Variants in MMP20 observed in about 807,000 individuals in gnomAD.
The protein encoded by MMP20 is matrix metalloproteinase-20.
In MMP20, 50 loss-of-function variants were observed where a neutral mutation model predicts 51.8. The ratio of observed to expected loss-of-function variants is 0.97; its 90% CI spans 0.77 to 1.22. The LOEUF (loss-of-function observed/expected upper bound fraction) is 1.22, where lower values mean the gene tolerates loss of function less well. MMP20 is among the 50% of genes most tolerant of loss of function. The pLI is 0.00. For synonymous variants in MMP20, 244 were observed against 216.2 expected, an observed-to-expected ratio of 1.13 and a Z score of -1.13; for missense variants, 663 against 601.4, an observed-to-expected ratio of 1.10 and a Z score of -1.07.
intron 5 of MMP20, chr11:102,607,964 G>C (rs1859540993): frequency 6.6e-6 from 1 of 152,226 alleles, no homozygotes; most frequent in African/African-American, 2.4e-5. Flanking sequence ...CCTGGAAATG[G>C]ATAGAGCTGG....
At chr11:102,589,369 T>C (rs947514706) in intron 8 of MMP20, among the ~76,000 whole-genome samples, 5 of 152,182 alleles carry the variant, frequency 3.3e-5, no homozygotes, top group African/African-American at 1.2e-4. Context: ...TTCCTCTTTG[T>C]TTTGACCCAC....
Position 102,625,229 on chromosome 11 carries a change from G to T in MMP20, c.91C>A (p.Pro31Thr). Residue 31 changes from proline to threonine, a missense_variant, in exon 1 of 10, where the codon CCC (proline) becomes ACC (threonine). Physicochemically the swap from Pro to Thr is conservative, Grantham distance 38. Transcript: ENST00000260228. ...CGGTAGTTGTTCCTCCAGGTCCTGG[G>T]GGAGGCTGCAACTAGGGAGGGGGCT... Reference protein sequence around the residue: ...TAAPSLVAASPRTWRNNYRLA... With the variant: ...TAAPSLVAASTRTWRNNYRLA... 2 of 1,613,946 alleles carry T rather than the reference G, an allele frequency of 1.2e-6. No homozygotes were observed. The highest frequency in any genetic ancestry group is 1.1e-5 in the South Asian group (1 of 91,060).
At chr11:102,594,921 T>G in intron 6 of MMP20, among the ~76,000 whole-genome samples, 164 bp from the exon 7 acceptor site, 1 of 123,114 alleles carries the variant, frequency 8.1e-6, no homozygotes, top group East Asian at 2.4e-4. Context: ...TTTTTTTTTT[T>G]TTGAGATGGA....
intron 6 of MMP20, among the ~76,000 whole-genome samples, chr11:102,604,861 A>G (rs1207265024): frequency 6.6e-6 from 1 of 152,170 alleles, no homozygotes; most frequent in African/African-American, 2.4e-5. Flanking sequence ...GTAAAATCCT[A>G]TTTTTTTAGA....
intron 2 of MMP20, among the ~76,000 whole-genome samples, chr11:102,614,504 A>G (rs1322030373): frequency 6.6e-6 from 1 of 152,256 alleles, no homozygotes; most frequent in East Asian, 1.9e-4. Context: ...GTCATGGACT[A>G]AAATTCCAGA....
intron 8 of MMP20, among the ~76,000 whole-genome samples, chr11:102,589,101 G>A (rs1859285438): frequency 6.6e-6 from 1 of 152,164 alleles, no homozygotes; most frequent in South Asian, 2.1e-4. Flanking sequence ...GACACTACAT[G>A]ATCTGTAACC....
rs549021228 is a variant in MMP20 at position 102,583,806 on chromosome 11, C to G, written c.1248-4664G>C. ...CATACTCCACATCCTCATCCCCCAT[C>G]TCAACCAGACCTAGACAATCACTAT... On this transcript the variant is annotated intron_variant, in intron 8 of 9. Coordinates refer to ENST00000260228, the MANE Select transcript of MMP20 (RefSeq NM_004771.4). 2.6e-5 allele frequency among the ~76,000 whole-genome samples: 4 copies of G among 152,366 alleles called. No homozygotes were observed. The South Asian group carries it at 8.3e-4, about 32-fold the overall frequency.
At chr11:102,604,622 C>T (rs567404006) in intron 6 of MMP20, among the ~76,000 whole-genome samples, 2 of 152,266 alleles carry the variant, frequency 1.3e-5, no homozygotes, top group South Asian at 2.1e-4. Flanking sequence ...GGTTCCTGGG[C>T]TCAGCTCTAA....
intron 1 of MMP20, 137 bp from the exon 2 acceptor site, chr11:102,617,196 A>G (rs569843968): frequency 4.9e-4 from 525 of 1,069,134 alleles, no homozygotes; most frequent in Middle Eastern, 3.4e-3. Context: ...AAAAGTAGAC[A>G]TATTTGTTTA....
intron 1 of MMP20, among the ~76,000 whole-genome samples, chr11:102,624,659 G>T (rs1008377229): frequency 1.3e-5 from 2 of 151,918 alleles, no homozygotes; most frequent in Non-Finnish European, 2.9e-5. Context: ...TATGCTTTAG[G>T]GAGAAAAGGC....
chr11:102,594,589 C>A (rs372904673), intron 7 of MMP20, 32 bp downstream of exon 7: 1 of 1,612,482 alleles, frequency 6.2e-7, no homozygotes, highest in Non-Finnish European at 8.5e-7. Context: ...TGCAGCCCTG[C>A]CATTTCTTTC....
At chr11:102,610,199 T>C (rs1182081118) in intron 3 of MMP20, among the ~76,000 whole-genome samples, 169 bp from the exon 4 acceptor site, 1 of 152,116 alleles carries the variant, frequency 6.6e-6, no homozygotes, top group Non-Finnish European at 1.5e-5. Context: ...AACAGCCCAT[T>C]GAAAAATAAA....
intron 6 of MMP20, among the ~76,000 whole-genome samples, chr11:102,604,231 A>G (rs1468277480): frequency 6.6e-6 from 1 of 152,134 alleles, no homozygotes; most frequent in Non-Finnish European, 1.5e-5. Flanking sequence ...GGAGCCTGAC[A>G]ATGATATCCC....
intron 8 of MMP20, among the ~76,000 whole-genome samples, chr11:102,592,424 T>C (rs1024971771): frequency 1.3e-5 from 2 of 152,234 alleles, no homozygotes; most frequent in African/African-American, 4.8e-5. Context: ...AAATTTGCTT[T>C]CTTATGAAAT....
chr11:102,585,112 C>T (rs748688636), intron 8 of MMP20, among the ~76,000 whole-genome samples: 5 of 152,124 alleles, frequency 3.3e-5, no homozygotes, highest in East Asian at 1.9e-4. Context: ...CCGTGAGTTT[C>T]GAGTTTCAAG....
chr11:102,618,600 A>C (rs1204359082), intron 1 of MMP20, among the ~76,000 whole-genome samples: 1 of 152,036 alleles, frequency 6.6e-6, no homozygotes, highest in East Asian at 1.9e-4. Context: ...TGTAATGGCA[A>C]TATACTGAGA....
intron 2 of MMP20, among the ~76,000 whole-genome samples, chr11:102,612,918 G>T (rs1422818792): frequency 6.6e-6 from 1 of 151,866 alleles, no homozygotes; most frequent in Non-Finnish European, 1.5e-5. Context: ...TATATTTTTG[G>T]TGGAGACGGG....
intron 6 of MMP20, among the ~76,000 whole-genome samples, chr11:102,595,588 A>G (rs1859372219): frequency 6.6e-6 from 1 of 152,220 alleles, no homozygotes; most frequent in African/African-American, 2.4e-5. Context: ...TAGCGAAAAC[A>G]TTAATAATCA....
intron 2 of MMP20, among the ~76,000 whole-genome samples, 175 bp downstream of exon 2, chr11:102,616,637 T>C (rs750382828): frequency 6.6e-6 from 1 of 152,238 alleles, no homozygotes; most frequent in Non-Finnish European, 1.5e-5. Context: ...AACCGTATTT[T>C]CTGGTGAATT....
Sources: gnomAD v4.1 joint callset for allele counts (sites outside exome capture counted in the v4.1 genomes callset) on GRCh38, gnomAD v4.1.1 for gene constraint, MANE v1.5 for transcripts, NCBI Gene and HGNC (gene_info 2026-07-23, HGNC 2026-07-21) for gene names.